The following MRTFB variants were observed in gnomAD, a reference collection of about 807,000 sequenced individuals.
MRTFB encodes myocardin-related transcription factor B.
In MRTFB, 29 loss-of-function variants were observed where a neutral mutation model predicts 104.2. That is an observed-to-expected ratio of 0.28 (90% CI 0.21 to 0.38). The LOEUF is 0.38. Among genes scored for constraint, MRTFB ranks in the 10% least tolerant of loss-of-function variants. The pLI, the probability that MRTFB is intolerant of heterozygous loss-of-function variation, is 1.00. For synonymous variants in MRTFB, 535 were observed against 519.5 expected (o/e 1.03, Z -0.41); for missense variants, 1,270 against 1,341.6 (o/e 0.95, Z 0.83).
chr16:14,000,083 C>T, the MRTFB span, among the ~76,000 whole-genome samples: 1 of 152,106 alleles, frequency 6.6e-6, no homozygotes, highest in Admixed American at 6.6e-5. Flanking sequence ...TGCGTTGCCA[C>T]ATTGGGGTGG....
chr16:14,225,848 C>T (rs145271684), intron 8 of MRTFB, among the ~76,000 whole-genome samples: 9 of 152,306 alleles, frequency 5.9e-5, no homozygotes, highest in African/African-American at 1.7e-4. Context: ...GTCACATCTT[C>T]AGACTTTCTT....
In MRTFB at chr16:14,240,462, A is replaced by G; in HGVS notation, c.1057A>G (p.Thr353Ala). 2.5e-6 allele frequency: 4 copies of G among 1,614,212 alleles called. No individual in the cohort carries two copies. The highest frequency in any genetic ancestry group is 3.4e-6 in the Non-Finnish European group (4 of 1,180,030). ...SQQKQHYNYQ[T>A]ILPAPFKPLN... is the part of the protein sequence containing the mutation. ...GCAGAAGCAGCACTACAACTACCAGACCATCCTGCCTGCACCATTCAAGTA... is the reference window on the plus strand; with the variant it reads ...GCAGAAGCAGCACTACAACTACCAGGCCATCCTGCCTGCACCATTCAAGTA... Residue 353 changes from threonine to alanine, a missense_variant, in exon 10 of 17, where the codon ACC (threonine) becomes GCC (alanine). Transcript: ENST00000571589.
chr16:14,044,791 G>C, the MRTFB span, among the ~76,000 whole-genome samples: 1 of 152,122 alleles, frequency 6.6e-6, no homozygotes, highest in East Asian at 1.9e-4. Flanking sequence ...GGTGGCATTC[G>C]GGATATATAG....
chr16:14,199,950 A>C (rs1377710384), intron 3 of MRTFB: 2 of 241,850 alleles, frequency 8.3e-6, no homozygotes, highest in African/African-American at 2.3e-5. Context: ...CCCTTAGGTG[A>C]GAGGAGGTAA....
the MRTFB span, among the ~76,000 whole-genome samples, chr16:14,030,538 C>A: frequency 8.5e-5 from 13 of 152,244 alleles, no homozygotes; most frequent in East Asian, 2.5e-3. Flanking sequence ...ATGCAGTAGA[C>A]AATGCAAGTG....
chr16:14,064,651 G>A, the MRTFB span, among the ~76,000 whole-genome samples: 4 of 152,248 alleles, frequency 2.6e-5, no homozygotes, highest in Middle Eastern at 3.4e-3. Flanking sequence ...TGTAAGGAAG[G>A]GGTCCAGTTT....
At chr16:14,251,205 G>A (rs1407012055) in intron 13 of MRTFB, among the ~76,000 whole-genome samples, 12 of 151,728 alleles carry the variant, frequency 7.9e-5, no homozygotes, top group East Asian at 3.9e-4. Flanking sequence ...GTGAAACCCC[G>A]TCTCTACTAA....
At chr16:14,081,540 G>A (rs1037224315) in intron 2 of MRTFB, among the ~76,000 whole-genome samples, 5 of 152,040 alleles carry the variant, frequency 3.3e-5, no homozygotes, top group African/African-American at 7.2e-5. Context: ...TGATCCACCC[G>A]CCTCGGCCTC....
the MRTFB span, among the ~76,000 whole-genome samples, chr16:14,060,068 G>T: frequency 7.1e-6 from 1 of 141,034 alleles, no homozygotes; most frequent in Non-Finnish European, 1.5e-5. Context: ...GTGCAGTGGC[G>T]CAATCTCAGC....
chr16:14,010,368 G>A, the MRTFB span, among the ~76,000 whole-genome samples: 82 of 152,264 alleles, frequency 5.4e-4, 1 homozygote, highest in African/African-American at 1.9e-3. Context: ...CCAGGCTGGG[G>A]TGCAATGGCA....
chr16:14,135,646 A>G (rs189606880), intron 2 of MRTFB, among the ~76,000 whole-genome samples: 1 of 152,124 alleles, frequency 6.6e-6, no homozygotes, highest in Non-Finnish European at 1.5e-5. Flanking sequence ...CTGCATTTCC[A>G]CTGTCTTCAT....
At chr16:14,221,856 A>G (rs1236672957) in intron 8 of MRTFB, among the ~76,000 whole-genome samples, 2 of 136,028 alleles carry the variant, frequency 1.5e-5, no homozygotes, top group Non-Finnish European at 3.0e-5. Flanking sequence ...ATCTCAGCTT[A>G]CTACAACCTC....
chr16:14,016,556 T>C, the MRTFB span, among the ~76,000 whole-genome samples: 4 of 152,132 alleles, frequency 2.6e-5, no homozygotes, highest in East Asian at 7.7e-4. Flanking sequence ...GTGGATCACC[T>C]GAGGTCGGGA....
chr16:14,024,104 T>C, the MRTFB span, among the ~76,000 whole-genome samples: 1 of 151,974 alleles, frequency 6.6e-6, no homozygotes, highest in Non-Finnish European at 1.5e-5. Flanking sequence ...GTTATCACCA[T>C]CATCTACCTT....
chr16:14,129,296 TA>T (rs1328962054), intron 2 of MRTFB, among the ~76,000 whole-genome samples: 1 of 148,770 alleles, frequency 6.7e-6, no homozygotes. Context: ...TTCACTTATT[TA>T]AAGTATAAAA....
At chr16:14,175,177 A>T (rs996815385) in intron 3 of MRTFB, among the ~76,000 whole-genome samples, 2 of 152,218 alleles carry the variant, frequency 1.3e-5, no homozygotes, top group African/African-American at 4.8e-5. Flanking sequence ...TATAATTGAC[A>T]TACAATTAAC....
At chr16:14,052,739 C>CAAAAAAAA in the MRTFB span, among the ~76,000 whole-genome samples, 1 of 74,768 alleles carries the variant, frequency 1.3e-5, no homozygotes. Context: ...AACTCCATCT[C>CAAAAAAAA]AAAAAAAAAA....
In MRTFB at chr16:14,177,823, G is replaced by GA. The variant is rs1430510797; in HGVS notation, c.155-32413dup. Among the ~76,000 whole-genome samples, 2 of 150,966 alleles carry GA rather than the reference G, an allele frequency of 1.3e-5. No homozygotes were observed. The highest frequency in any genetic ancestry group is 2.1e-4 in the South Asian group (1 of 4,794). On this transcript the variant is annotated intron_variant, in intron 3 of 16. Coordinates refer to ENST00000571589, the MANE Select transcript of MRTFB (RefSeq NM_001308142.2). The surrounding 1 kb of genome is among the most constrained non-coding windows in gnomAD (Gnocchi z 4.7). Reference sequence around the variant, plus strand: ...GGACAACAGAACAAGTCTCTGTCTTGAAAAAAAGAAAAAGAATGAAAAGAA... The same window carrying GA: ...GGACAACAGAACAAGTCTCTGTCTTGAAAAAAAAGAAAAAGAATGAAAAGAA...
chr16:14,078,903 G>A (rs970657784), intron 1 of MRTFB, among the ~76,000 whole-genome samples: 1 of 152,094 alleles, frequency 6.6e-6, no homozygotes, highest in African/African-American at 2.4e-5. Context: ...GCAGTGCTAA[G>A]AATTGGGTAC....
Sources: gnomAD v4.1 joint callset for allele counts (sites outside exome capture counted in the v4.1 genomes callset) on GRCh38, gnomAD v4.1.1 for gene constraint, Gnocchi (gnomAD v3.1) non-coding constraint, MANE v1.5 for transcripts, NCBI Gene and HGNC (gene_info 2026-07-23, HGNC 2026-07-21) for gene names.